Variants in ZNHIT3 observed in about 807,000 individuals in gnomAD.
The protein encoded by ZNHIT3 is zinc finger HIT-type containing 3.
Under a neutral mutation model 19.9 loss-of-function variants are expected in ZNHIT3, and 27 were observed. The observed-to-expected ratio is 1.36, with a 90% CI of 1.00 to 1.87. The LOEUF is 1.87. ZNHIT3 is among the 40% of genes most tolerant of loss of function. The pLI, the probability that ZNHIT3 is intolerant of heterozygous loss-of-function variation, is 0.00. For missense variants in ZNHIT3, 215 were observed against 185.6 expected, an observed-to-expected ratio of 1.16 and a Z score of -0.92; for synonymous variants, 81 against 65.7, an observed-to-expected ratio of 1.23 and a Z score of -1.13.
chr17:36,496,404 T>C, downstream of ZNHIT3: 1 of 1,613,898 alleles, frequency 6.2e-7, no homozygotes, highest in South Asian at 1.1e-5. Flanking sequence ...ACTTTATCGA[T>C]CCCTAGAGGG....
intron 2 of ZNHIT3, among the ~76,000 whole-genome samples, chr17:36,487,654 C>T (rs1160977055): frequency 1.3e-5 from 2 of 151,400 alleles, no homozygotes; most frequent in Non-Finnish European, 2.9e-5. Flanking sequence ...ATTAGGCGGG[C>T]GAGGTGCGCG....
At position 36,486,801 on chromosome 17, in the gene ZNHIT3, G is replaced by C; in HGVS notation, c.86+16G>C. 1 of 1,611,892 alleles carries C rather than the reference G, an allele frequency of 6.2e-7. No homozygotes were observed. The highest frequency in any genetic ancestry group is 1.1e-5 in the South Asian group (1 of 90,916). On this transcript the variant is annotated intron_variant, in intron 1 of 4. Coordinates refer to ENST00000617429, the MANE Select transcript of ZNHIT3 (RefSeq NM_004773.4). ...GCGTGCCCTAGTGAGCGGGGAGGTCGCGGGGTCCAGGGGCGCGGGTGTCCG... is the reference window on the plus strand; with the variant it reads ...GCGTGCCCTAGTGAGCGGGGAGGTCCCGGGGTCCAGGGGCGCGGGTGTCCG...
In ZNHIT3 at chr17:36,493,917, AT is replaced by A; in HGVS notation, c.206-7del. 4 of 1,606,826 alleles carry A rather than the reference AT, an allele frequency of 2.5e-6. No homozygotes were observed. The highest frequency in any genetic ancestry group is 3.4e-6 in the Non-Finnish European group (4 of 1,173,928). ...AGCCATGAGCCATTGACTGTTTTGT[AT>A]TCCTTAGATGATGATGACTCTATAG... On this transcript the variant is annotated splice_region_variant and splice_polypyrimidine_tract_variant and intron_variant, in intron 3 of 4. Coordinates refer to ENST00000617429, the MANE Select transcript of ZNHIT3 (RefSeq NM_004773.4).
At chr17:36,498,554 T>A (rs2071214228), downstream of ZNHIT3, 2 of 1,607,364 alleles carry the variant, frequency 1.2e-6, no homozygotes, top group Non-Finnish European at 1.7e-6. Context: ...GGCAGGCCAT[T>A]CTGATCTTAA....
chr17:36,494,125 T>G lies in ZNHIT3; in HGVS notation c.286+119T>G. ...TATGGCATGTAGGGCTCTTACTATC[T>G]AGCCACATAATCTGTAAACATACAG... On this transcript the variant is annotated intron_variant, in intron 4 of 4. Transcript: ENST00000617429. 8 of 702,170 alleles carry G rather than the reference T, an allele frequency of 1.1e-5. No homozygotes were observed. In the South Asian group the frequency reaches 1.4e-4, roughly 13 times the overall value. 43.5% of individuals were successfully genotyped at this position (702,170 alleles called of 1,614,324 possible).
At chr17:36,494,373 T>C (rs1428917828) in intron 4 of ZNHIT3, among the ~76,000 whole-genome samples, 2 of 152,244 alleles carry the variant, frequency 1.3e-5, no homozygotes, top group South Asian at 4.1e-4. Context: ...CATTTCATGG[T>C]AATTTGTCTC....
At chr17:36,496,949 CTA>C (rs909197119), downstream of ZNHIT3, among the ~76,000 whole-genome samples, 1 of 152,150 alleles carries the variant, frequency 6.6e-6, no homozygotes, top group African/African-American at 2.4e-5. Context: ...CACTTTAATT[CTA>C]TGAGGCCTGG....
intron 4 of ZNHIT3, among the ~76,000 whole-genome samples, chr17:36,494,919 C>G (rs192828859): frequency 6.6e-6 from 1 of 152,134 alleles, no homozygotes; most frequent in African/African-American, 2.4e-5. Context: ...CACGAAGTTA[C>G]AATATTTACA....
At chr17:36,498,496 C>G (rs1253652833), downstream of ZNHIT3, 1 of 1,614,050 alleles carries the variant, frequency 6.2e-7, no homozygotes, top group Non-Finnish European at 8.5e-7. Flanking sequence ...GAACAGGGAG[C>G]TTGAGAGAAG....
At chr17:36,486,896 C>T (rs1258010521) in intron 1 of ZNHIT3, 39 bp from the exon 2 acceptor site, 10 of 1,597,684 alleles carry the variant, frequency 6.3e-6, no homozygotes, top group South Asian at 1.1e-5. Context: ...GGCCGGGGAC[C>T]CTCGGGGCTG....
rs1599139458 is a variant in ZNHIT3, at chr17:36,487,069, C to A, written c.118+103C>A. ...GGACCCTTGGGCTGCGCTTCCTTTC[C>A]CGCCTCGGGTCTCCGCGGGTTCTGC... On this transcript the variant is annotated intron_variant, in intron 2 of 4. Transcript: ENST00000617429. 7 of 1,485,620 alleles carry A rather than the reference C, an allele frequency of 4.7e-6. No homozygotes were observed. In the East Asian group the frequency reaches 7.3e-5, roughly 15 times the overall value. 92.0% of individuals were successfully genotyped at this position (1,485,620 alleles called of 1,614,324 possible). A position where few individuals can be genotyped will look rare whatever the true frequency, so the allele number is the denominator to read the frequency against.
Position 36,493,980 on chromosome 17 carries a change from TTTC to T in ZNHIT3, c.263_265del (p.Ser88del). ...AATAGTGATGAGGAAGAAGACAGAG[TTTC>T]TTTGCAGAATTTAAAGAATTTAGGT... On this transcript the variant is annotated inframe_deletion, in exon 4 of 5. Transcript: ENST00000617429. 6.2e-7 allele frequency: 1 copy of T among 1,613,530 alleles called. No individual in the cohort carries two copies. Among genetic ancestry groups the T allele is most frequent in the South Asian group, 1.1e-5 (1 of 91,072 alleles).
intron 2 of ZNHIT3, among the ~76,000 whole-genome samples, chr17:36,488,237 G>A (rs562412645): frequency 6.6e-6 from 1 of 151,332 alleles, no homozygotes; most frequent in African/African-American, 2.4e-5. Flanking sequence ...TATATATTGG[G>A]CACTTTTTAA....
chr17:36,498,321 G>A, downstream of ZNHIT3: 1 of 1,613,998 alleles, frequency 6.2e-7, no homozygotes. Flanking sequence ...TGTCTGGACA[G>A]TGTAGCTACT....
chr17:36,487,053 G>T lies in ZNHIT3; in HGVS notation c.118+87G>T. On this transcript the variant is annotated intron_variant, in intron 2 of 4. Transcript: ENST00000617429. ...TCCGTCTTGGGGGCGTGGACCCTTG[G>T]GCTGCGCTTCCTTTCCCGCCTCGGG... 10 of 1,544,886 alleles carry T rather than the reference G, an allele frequency of 6.5e-6. No individual in the cohort carries two copies. The South Asian group carries it at 1.2e-4, about 18-fold the overall frequency.
downstream of ZNHIT3, chr17:36,498,268 G>C (rs150601453): frequency 3.6e-5 from 58 of 1,610,180 alleles, no homozygotes; most frequent in East Asian, 1.3e-3. Flanking sequence ...CAACGTACCT[G>C]AGGCAGCGCT....
downstream of ZNHIT3, chr17:36,497,980 G>C: frequency 2.3e-6 from 1 of 433,302 alleles, no homozygotes; most frequent in South Asian, 4.0e-5. Flanking sequence ...CTGGGAGCTT[G>C]CTAGAAACGC....
downstream of ZNHIT3, chr17:36,496,419 G>A: frequency 6.2e-7 from 1 of 1,613,668 alleles, no homozygotes; most frequent in Non-Finnish European, 8.5e-7. Flanking sequence ...AGAGGGGAGA[G>A]AGAGATGCAG....
At chr17:36,496,529 C>G, downstream of ZNHIT3, 5 of 865,036 alleles carry the variant, frequency 5.8e-6, no homozygotes, top group Non-Finnish European at 9.0e-6. Context: ...TTGGGGGCCA[C>G]AGCAGGATTA....
Sources: gnomAD v4.1 joint callset for allele counts (sites outside exome capture counted in the v4.1 genomes callset) on GRCh38, gnomAD v4.1.1 for gene constraint, MANE v1.5 for transcripts, NCBI Gene and HGNC (gene_info 2026-07-23, HGNC 2026-07-21) for gene names.